EP400: variants seen among roughly 807,000 people sequenced by gnomAD.
EP400 encodes E1A-binding protein p400.
Under a neutral mutation model 354.1 loss-of-function variants are expected in EP400, and 105 were observed. The observed-to-expected ratio is 0.30, with a 90% confidence interval of 0.25 to 0.35. EP400 has a LOEUF of 0.35. Ranked by LOEUF, EP400 falls within the 10% of genes least tolerant of loss-of-function variation. EP400 has a pLI of 1.00. For missense variants in EP400, 3,280 were observed against 4,121.0 expected (o/e 0.80, Z 5.59); for synonymous variants, 1,646 against 1,716.9 (o/e 0.96, Z 1.02).
chr12:132,051,042 T>C, intron 41 of EP400: 1 of 304,504 alleles, frequency 3.3e-6, no homozygotes, highest in African/African-American at 2.1e-5. Flanking sequence ...GTACCTGCCC[T>C]GAAGTTATAC....
intron 32 of EP400, among the ~76,000 whole-genome samples, chr12:132,041,583 C>T (rs996074050): frequency 2.6e-5 from 4 of 152,148 alleles, no homozygotes; most frequent in African/African-American, 9.6e-5. Context: ...AGCTTGTGGA[C>T]GTGATGGAGT....
Position 132,013,349 on chromosome 12 carries a change from GC to G in EP400, c.3612-135del. On this transcript the variant is annotated intron_variant, in intron 17 of 52. Transcript: ENST00000389561. The surrounding 1 kb of genome is among the most constrained non-coding windows in gnomAD (Gnocchi z 4.5). ...AGAGCCCCAGAGCTGGGTCAGTGCA[GC>G]CCCCCTTTTCAGGCATGTGCACGTT... 1 of 1,390,072 alleles carries G rather than the reference GC, an allele frequency of 7.2e-7. No homozygotes were observed. Among genetic ancestry groups the G allele is most frequent in the Non-Finnish European group, 9.7e-7 (1 of 1,034,370 alleles). The allele number at this position is 1,390,072 out of a possible 1,614,324, so 86.1% of individuals were successfully genotyped here.
intron 52 of EP400, 143 bp from the exon 53 acceptor site, chr12:132,077,258 T>G (rs1896265184): frequency 9.5e-7 from 1 of 1,055,894 alleles, no homozygotes; most frequent in Non-Finnish European, 1.4e-6. Context: ...GGTCATACTG[T>G]TGTGTGACTG....
At position 131,982,234 on chromosome 12, in the gene EP400, C is replaced by T. The variant is rs763683736; in HGVS notation, c.1685C>T (p.Pro562Leu). 2 of 1,614,044 alleles carry T rather than the reference C, an allele frequency of 1.2e-6. No individual in the cohort carries two copies. Among genetic ancestry groups the T allele is most frequent in the African/African-American group, 1.3e-5 (1 of 75,058 alleles). The change falls in exon 5 of 53, where the codon CCC becomes CTC. Residue 562 changes from proline to leucine, a missense_variant. Pro to Leu is a moderately conservative substitution (Grantham distance 98). Coordinates refer to ENST00000389561, the MANE Select transcript of EP400 (RefSeq NM_015409.5). ...CTGCCGCAGCTGCCCGGGAGGCTGC[C>T]CCCAGCCGGTGTTCCCACTGCAGCC... is the stretch of plus-strand genomic sequence containing the variant. ...TPLPQLPGRL[P>L]PAGVPTAALS...
At chr12:132,022,587 T>C (rs990289771) in intron 23 of EP400, among the ~76,000 whole-genome samples, 2 of 152,222 alleles carry the variant, frequency 1.3e-5, no homozygotes, top group African/African-American at 4.8e-5. Flanking sequence ...AGTACCTTTT[T>C]GAGTTGGGGG....
chr12:131,950,386 T>C (rs940577408), intron 1 of EP400, among the ~76,000 whole-genome samples: 11 of 152,084 alleles, frequency 7.2e-5, no homozygotes, highest in Admixed American at 2.0e-4. Context: ...CCGCGCCTCC[T>C]GGTTCTCGGG....
chr12:131,967,236 C>T (rs1448577933), intron 2 of EP400, among the ~76,000 whole-genome samples: 1 of 150,128 alleles, frequency 6.7e-6, no homozygotes, highest in Admixed American at 6.7e-5. Flanking sequence ...CAAAAATCAG[C>T]TGGGCGTGGT....
chr12:132,000,384 G>A (rs1226497690), intron 12 of EP400, among the ~76,000 whole-genome samples: 1 of 152,104 alleles, frequency 6.6e-6, no homozygotes, highest in African/African-American at 2.4e-5. Flanking sequence ...GGTTTTGAAT[G>A]GACCAGTTTA....
rs200268785 is a variant in EP400 at position 131,990,048 on chromosome 12, C to T, written c.2494C>T (p.Arg832Trp). The T allele has an allele frequency of 4.6e-5, 75 of 1,613,034 alleles. No individual in the cohort carries two copies. Among genetic ancestry groups the T allele is most frequent in the Non-Finnish European group, 1.2e-5 (14 of 1,179,794 alleles). ...GKKEEQSRLR[R>W]IAASTAREIE... The stretch of plus-strand genomic sequence containing the variant: ...GAAGGAAGAGCAGAGCAGACTGAGG[C>T]GGATAGCCGCCTCCACGGCCCGGGA... The change falls in exon 8 of 53, where the codon CGG becomes TGG. Residue 832 changes from arginine to tryptophan, a missense_variant. Around this residue, in one of 20 missense-constraint regions of EP400, gnomAD observed 800 missense variants for 840.0 expected, o/e 0.95. Transcript: ENST00000389561. This position sits in a 1 kb window ranked among gnomAD's most constrained non-coding sequence, Gnocchi z 4.2.
In EP400 at chr12:132,017,628, G is replaced by C. The variant is rs1390744747; in HGVS notation, c.4017G>C (p.Glu1339Asp). The change falls in exon 20 of 53, where the codon GAG becomes GAC. Residue 1339 changes from glutamate (E) to aspartate (D), a missense_variant. Coordinates refer to ENST00000389561, the MANE Select transcript of EP400 (RefSeq NM_015409.5). This position sits in a 1 kb window ranked among gnomAD's most constrained non-coding sequence, Gnocchi z 5.0. ...QRICNHPGLVEPRHPGSSYVA... is the reference protein window; with the variant it reads ...QRICNHPGLVDPRHPGSSYVA... ...TCTGCAACCACCCTGGGCTCGTCGA[G>C]CCCCGGCACCCAGGCTCTTCCTACG... is the stretch of plus-strand genomic sequence containing the variant. 4 of 1,610,168 alleles carry C rather than the reference G, an allele frequency of 2.5e-6. No homozygotes were observed. The highest frequency in any genetic ancestry group is 1.3e-5 in the African/African-American group (1 of 74,750).
At chr12:131,976,416 TA>T (rs2136484557) in intron 2 of EP400, among the ~76,000 whole-genome samples, 1 of 152,300 alleles carries the variant, frequency 6.6e-6, no homozygotes, top group African/African-American at 2.4e-5. Flanking sequence ...TTGATTGAAT[TA>T]AAAATGCACA....
chr12:132,034,192 C>T (rs932987728), intron 30 of EP400, among the ~76,000 whole-genome samples: 1 of 152,120 alleles, frequency 6.6e-6, no homozygotes, highest in South Asian at 2.1e-4. Flanking sequence ...GCATTGTTGG[C>T]CCTTAGCAAT....
Position 132,079,784 on chromosome 12 carries a change from C to T in EP400, c.*2111C>T, listed in dbSNP as rs186621243. On this transcript the variant is annotated 3_prime_UTR_variant, in exon 53 of 53. Coordinates refer to ENST00000389561, the MANE Select transcript of EP400 (RefSeq NM_015409.5). ...GGTCTCCTGTCTCTCAAGTGTGTTT[C>T]CTTTGGCTGTTCCCTAATACAAAAC... 4 of 152,344 alleles carry T rather than the reference C, an allele frequency of 2.6e-5. No homozygotes were observed. The highest frequency in any genetic ancestry group is 1.9e-4 in the East Asian group (1 of 5,190). 9.4% of individuals were successfully genotyped at this position (152,344 alleles called of 1,614,324 possible). A position where few individuals can be genotyped will look rare whatever the true frequency, so the allele number is the denominator to read the frequency against.
chr12:132,054,955 A>ATT lies in EP400; in HGVS notation c.7729-8_7729-7dup. On this transcript the variant is annotated intron_variant, in intron 43 of 52. Transcript: ENST00000389561. This position sits in a 1 kb window ranked among gnomAD's most constrained non-coding sequence, Gnocchi z 4.0. ...AGAGCCTGACGTGAAATTCAAATGG[A>ATT]TTTTTTTTTTTTAAATAGGCAGGAA... 7 of 1,244,918 alleles carry ATT rather than the reference A, an allele frequency of 5.6e-6. No individual in the cohort carries two copies. The highest frequency in any genetic ancestry group is 2.7e-5 in the East Asian group (1 of 36,624). 77.1% of individuals were successfully genotyped at this position (1,244,918 alleles called of 1,614,324 possible). A position where few individuals can be genotyped will look rare whatever the true frequency, so the allele number is the denominator to read the frequency against.
Position 131,990,419 on chromosome 12 carries a change from C to T in EP400, c.2551-217C>T, listed in dbSNP as rs1892995440. Among the ~76,000 whole-genome samples the T allele has an allele frequency of 6.6e-6, 1 of 152,228 alleles. No individual in the cohort carries two copies. Among genetic ancestry groups the T allele is most frequent in the Non-Finnish European group, 1.5e-5 (1 of 68,046 alleles). On this transcript the variant is annotated intron_variant, in intron 8 of 52. Transcript: ENST00000389561. The surrounding 1 kb of genome is among the most constrained non-coding windows in gnomAD (Gnocchi z 4.2). ...TACTTCTAGAGCGGTCGCTCGCTCACTTGCTTTCCTTTTTTGAAATTTTAA... is the reference window on the plus strand; with the variant it reads ...TACTTCTAGAGCGGTCGCTCGCTCATTTGCTTTCCTTTTTTGAAATTTTAA...
intron 3 of EP400, among the ~76,000 whole-genome samples, chr12:131,981,151 C>T (rs911962853): frequency 6.6e-6 from 1 of 152,176 alleles, no homozygotes; most frequent in African/African-American, 2.4e-5. Flanking sequence ...CTCCACTGCC[C>T]GCTCTCCATG....
intron 2 of EP400, among the ~76,000 whole-genome samples, chr12:131,968,679 A>G (rs1377328302): frequency 1.3e-5 from 2 of 152,200 alleles, no homozygotes; most frequent in East Asian, 3.8e-4. Flanking sequence ...ATATCTTAAC[A>G]ATATGAGTCT....
intron 51 of EP400, among the ~76,000 whole-genome samples, chr12:132,071,773 C>G (rs144757033): frequency 7.9e-4 from 121 of 152,270 alleles, no homozygotes; most frequent in Non-Finnish European, 7.4e-5. Flanking sequence ...GCACCTGTGC[C>G]CCTACCAGCG....
intron 1 of EP400, among the ~76,000 whole-genome samples, chr12:131,951,159 G>GC (rs1271669257): frequency 7.0e-6 from 1 of 143,146 alleles, no homozygotes; most frequent in South Asian, 2.2e-4. Flanking sequence ...CTCGTGATCC[G>GC]CCCCCTTGGC....
Sources: allele counts gnomAD v4.1 joint callset (sites outside exome capture counted in the v4.1 genomes callset), GRCh38; gene constraint gnomAD v4.1.1; regional missense constraint gnomAD v4.1.1; non-coding constraint Gnocchi (gnomAD v3.1); transcripts MANE v1.5; gene names NCBI Gene and HGNC (gene_info 2026-07-23, HGNC 2026-07-21).